Variants in KIF7 observed in about 807,000 individuals in gnomAD.
KIF7 encodes kinesin-like protein KIF7.
A neutral mutation model predicts 135.7 loss-of-function variants in KIF7; 104 were observed. The observed-to-expected ratio is 0.77, with a 90% CI of 0.65 to 0.90. The LOEUF is 0.90. KIF7 is among the 40% of genes least tolerant of loss of function. KIF7 has a pLI of 0.00. For synonymous variants in KIF7, 883 were observed against 809.4 expected (o/e 1.09, Z -1.54); for missense variants, 2,005 against 1,839.1 (o/e 1.09, Z -1.65).
At chr15:89,636,658 G>A (rs1963814646) in intron 11 of KIF7, among the ~76,000 whole-genome samples, 1 of 90,424 alleles carries the variant, frequency 1.1e-5, no homozygotes, top group Non-Finnish European at 2.3e-5. Context: ...ACCCAATACA[G>A]GAGCACCCAG....
chr15:89,635,996 A>G (rs1963799157), intron 11 of KIF7, among the ~76,000 whole-genome samples: 1 of 152,186 alleles, frequency 6.6e-6, no homozygotes, highest in Non-Finnish European at 1.5e-5. Context: ...GAAACTCTAC[A>G]AGCCAGAAGA....
At chr15:89,633,407 A>T in intron 12 of KIF7, 141 bp from the exon 13 acceptor site, 1 of 1,172,080 alleles carries the variant, frequency 8.5e-7, no homozygotes, top group South Asian at 1.3e-5. Context: ...ATCCCACACA[A>T]ATCTCCCTGG....
At position 89,628,290 on chromosome 15, in the gene KIF7, G is replaced by T; in HGVS notation, c.*129C>A. On this transcript the variant is annotated 3_prime_UTR_variant, in exon 19 of 19. Coordinates refer to ENST00000394412, the MANE Select transcript of KIF7 (RefSeq NM_198525.3). ...CCATGGCCCAAATTTGTTGATCCCA[G>T]TGAGGGTACAGATGAGGGCCTGGAT... 3.2e-6 allele frequency: 4 copies of T among 1,236,162 alleles called. No homozygotes were observed. Among genetic ancestry groups the T allele is most frequent in the Non-Finnish European group, 3.3e-6 (3 of 900,094 alleles). 76.6% of individuals were successfully genotyped at this position (1,236,162 alleles called of 1,614,324 possible). A position where few individuals can be genotyped will look rare whatever the true frequency, so the allele number is the denominator to read the frequency against.
chr15:89,625,868 C>T, downstream of KIF7: 2 of 1,543,578 alleles, frequency 1.3e-6, no homozygotes, highest in Admixed American at 4.0e-5. Flanking sequence ...GGAGTTGCTT[C>T]TTGGGAGGCC....
At chr15:89,625,557 G>A, downstream of KIF7, 3 of 1,613,168 alleles carry the variant, frequency 1.9e-6, no homozygotes, top group Non-Finnish European at 2.5e-6. Context: ...TCCCAGACCA[G>A]TCGCCTCCCA....
chr15:89,624,415 A>C (rs1299449279), downstream of KIF7: 1 of 1,614,206 alleles, frequency 6.2e-7, no homozygotes, highest in Non-Finnish European at 8.5e-7. Context: ...ACAGAGAGCT[A>C]CATTGGACAC....
At chr15:89,629,822 A>G in intron 16 of KIF7, 1 of 583,590 alleles carries the variant, frequency 1.7e-6, no homozygotes, top group East Asian at 2.9e-5. Flanking sequence ...CACACTATGG[A>G]GCTGGGCAGA....
At chr15:89,629,742 G>A in intron 16 of KIF7, 169 bp from the exon 17 acceptor site, 2 of 793,122 alleles carry the variant, frequency 2.5e-6, no homozygotes, top group South Asian at 3.5e-5. Context: ...CAGTGCTCTA[G>A]TTATCTTCCA....
intron 11 of KIF7, 134 bp downstream of exon 11, chr15:89,642,069 C>CT: frequency 1.1e-6 from 1 of 931,992 alleles, no homozygotes. Context: ...CAGCCTCACC[C>CT]TGCAGGGCCA....
chr15:89,644,349 C>T (rs907502408), intron 10 of KIF7, among the ~76,000 whole-genome samples: 32 of 152,202 alleles, frequency 2.1e-4, no homozygotes, highest in African/African-American at 7.7e-4. Flanking sequence ...CTTCGCCCAG[C>T]ACAATGGCTG....
At chr15:89,625,277 C>T (rs554393994), downstream of KIF7, 1 of 1,613,844 alleles carries the variant, frequency 6.2e-7, no homozygotes, top group South Asian at 1.1e-5. Flanking sequence ...CCTTCTAGTA[C>T]CCCCTCTCCA....
downstream of KIF7, chr15:89,623,574 A>T (rs755573200): frequency 6.5e-7 from 1 of 1,537,472 alleles, no homozygotes. Flanking sequence ...CACTTCAGAG[A>T]TCATGAGTTA....
chr15:89,629,262 G>A, intron 17 of KIF7, 113 bp downstream of exon 17: 2 of 1,191,172 alleles, frequency 1.7e-6, no homozygotes, highest in Non-Finnish European at 2.3e-6. Context: ...GTAGGTGCAG[G>A]GGCTGTGAGT....
chr15:89,632,938 C>G lies in KIF7; in HGVS notation c.2777G>C (p.Arg926Pro). 1.2e-6 allele frequency: 2 copies of G among 1,607,412 alleles called. No individual in the cohort carries two copies. The highest frequency in any genetic ancestry group is 1.7e-6 in the Non-Finnish European group (2 of 1,178,664). The change falls in exon 14 of 19, where the codon CGG becomes CCG. Residue 926 changes from arginine to proline, a missense_variant. Transcript: ENST00000394412. The part of the protein sequence containing the change: ...DQEMEKVLQQ[R>P]RALEELGEEL... The stretch of plus-strand genomic sequence containing the variant: ...CTCCCCCAGCTCCTCCAGCGCCCGC[C>G]GCTGCTGTAGCACCTTCTCCATCTC...
chr15:89,639,043 G>T (rs1963867139), intron 11 of KIF7, among the ~76,000 whole-genome samples: 1 of 152,036 alleles, frequency 6.6e-6, no homozygotes, highest in Non-Finnish European at 1.5e-5. Context: ...AATGGGGAAA[G>T]GATTCCCTAT....
At chr15:89,646,572 C>G (rs1002197412) in intron 7 of KIF7, among the ~76,000 whole-genome samples, 1 of 152,160 alleles carries the variant, frequency 6.6e-6, no homozygotes, top group South Asian at 2.1e-4. Context: ...AAGCCTGAAC[C>G]CCCTCTGTAA....
At chr15:89,618,666 G>A (rs1251233644) in intron 1 of KIF7, among the ~76,000 whole-genome samples, 2 of 152,186 alleles carry the variant, frequency 1.3e-5, no homozygotes, top group Non-Finnish European at 2.9e-5. Flanking sequence ...AGCACATGTT[G>A]AATGAGGGTG....
chr15:89,628,295 G>A lies in KIF7; in HGVS notation c.*124C>T, dbSNP rs930388766. 11 of 1,283,418 alleles carry A rather than the reference G, an allele frequency of 8.6e-6. No individual in the cohort carries two copies. The highest frequency in any genetic ancestry group is 1.2e-5 in the Non-Finnish European group (11 of 934,918). 79.5% of individuals were successfully genotyped at this position (1,283,418 alleles called of 1,614,324 possible). A position where few individuals can be genotyped will look rare whatever the true frequency, so the allele number is the denominator to read the frequency against. On this transcript the variant is annotated 3_prime_UTR_variant, in exon 19 of 19. Transcript: ENST00000394412. ...GCCCAAATTTGTTGATCCCAGTGAG[G>A]GTACAGATGAGGGCCTGGATTTAGG...
intron 10 of KIF7, 42 bp from the exon 11 acceptor site, chr15:89,642,447 A>G: frequency 6.6e-7 from 1 of 1,510,208 alleles, no homozygotes; most frequent in Non-Finnish European, 8.9e-7. Flanking sequence ...GCCCTGCTCC[A>G]CCGAGAGGGC....
Sources: allele counts gnomAD v4.1 joint callset (sites outside exome capture counted in the v4.1 genomes callset), GRCh38; gene constraint gnomAD v4.1.1; transcripts MANE v1.5; gene names NCBI Gene and HGNC (gene_info 2026-07-23, HGNC 2026-07-21).